Variants in HCLS1 observed in about 807,000 individuals in gnomAD.
HCLS1 encodes hematopoietic lineage cell-specific protein.
In HCLS1, 44 loss-of-function variants were observed where a neutral mutation model predicts 68.6. The observed-to-expected ratio is 0.64, with a 90% confidence interval of 0.50 to 0.82. The LOEUF (loss-of-function observed/expected upper bound fraction) is 0.82, where lower values mean the gene tolerates loss of function less well. HCLS1 is among the 40% of genes least tolerant of loss of function. The pLI is 0.00. For synonymous variants in HCLS1, 217 were observed against 225.8 expected (o/e 0.96, Z 0.35); for missense variants, 602 against 612.1 (o/e 0.98, Z 0.17).
At chr3:121,634,947 T>C (rs568150171) in intron 9 of HCLS1, among the ~76,000 whole-genome samples, 1 of 152,198 alleles carries the variant, frequency 6.6e-6, no homozygotes, top group South Asian at 2.1e-4. Context: ...GTGTCCTTTC[T>C]AAATTGTAAA....
intron 6 of HCLS1, among the ~76,000 whole-genome samples, chr3:121,639,488 C>T (rs1326482075): frequency 6.6e-6 from 1 of 151,606 alleles, no homozygotes; most frequent in East Asian, 1.9e-4. Context: ...GAAGAAATTA[C>T]AAGGGAAATA....
intron 5 of HCLS1, 66 bp downstream of exon 5, chr3:121,644,752 G>A: frequency 1.9e-6 from 2 of 1,067,750 alleles, no homozygotes; most frequent in South Asian, 2.5e-5. Flanking sequence ...CCTCCATCCA[G>A]GGGTGATCGT....
At chr3:121,658,025 C>G (rs1937910823) in intron 2 of HCLS1, 2 of 480,382 alleles carry the variant, frequency 4.2e-6, no homozygotes, top group Non-Finnish European at 7.6e-6. Context: ...TGTAGCCTGC[C>G]ATGGCCTGTC....
At position 121,635,760 on chromosome 3, in the gene HCLS1, A is replaced by G; in HGVS notation, c.666T>C (p.Tyr222=). The change falls in exon 9 of 14, where the codon TAT becomes TAC. Residue 222 remains tyrosine (Y), a synonymous_variant. Transcript: ENST00000314583. ...CGGCTTCTATGGGCGTCGTCTTCTT[A>G]TAAGCTGTGGTCGGGGCCTCCATTT... ...FNEMEAPTTA[Y]KKTTPIEAAS... 1.2e-6 allele frequency: 2 copies of G among 1,614,160 alleles called. No homozygotes were observed. The highest frequency in any genetic ancestry group is 1.7e-6 in the Non-Finnish European group (2 of 1,179,996).
At chr3:121,644,385 C>T (rs536621131) in intron 5 of HCLS1, 79 of 308,122 alleles carry the variant, frequency 2.6e-4, no homozygotes, top group African/African-American at 1.6e-3. Context: ...TAAATAGTAA[C>T]CCTAATTAGT....
chr3:121,660,010 G>A (rs1937955996), intron 1 of HCLS1, among the ~76,000 whole-genome samples: 1 of 152,146 alleles, frequency 6.6e-6, no homozygotes, highest in Non-Finnish European at 1.5e-5. Flanking sequence ...CTAGAGGTGA[G>A]AACCAGAGAG....
intron 6 of HCLS1, among the ~76,000 whole-genome samples, chr3:121,640,042 A>G (rs771601832): frequency 4.6e-5 from 7 of 152,156 alleles, no homozygotes; most frequent in Non-Finnish European, 7.3e-5. Flanking sequence ...AAAAGAGAAA[A>G]AACACAAGTA....
chr3:121,632,060 G>A, intron 13 of HCLS1, 41 bp downstream of exon 13: 1 of 1,612,736 alleles, frequency 6.2e-7, no homozygotes. Flanking sequence ...TTATATCAGG[G>A]GCCTCCATGT....
chr3:121,655,177 C>T (rs899588362), intron 3 of HCLS1, among the ~76,000 whole-genome samples: 9 of 152,256 alleles, frequency 5.9e-5, no homozygotes, highest in African/African-American at 2.2e-4. Context: ...CAGGCAGCAC[C>T]CGTCAGAGTG....
intron 4 of HCLS1, among the ~76,000 whole-genome samples, 161 bp downstream of exon 4, chr3:121,647,158 T>C (rs1015049136): frequency 7.9e-5 from 12 of 151,768 alleles, no homozygotes; most frequent in Admixed American, 2.6e-4. Flanking sequence ...ATTTTTTGTA[T>C]TTTTAGTAGA....
intron 3 of HCLS1, chr3:121,655,624 T>A: frequency 6.7e-6 from 1 of 150,324 alleles, no homozygotes; most frequent in East Asian, 1.9e-4. Context: ...ATCTGGACAA[T>A]TCCCAGAATA....
chr3:121,637,313 G>A, intron 6 of HCLS1, 57 bp from the exon 7 acceptor site: 1 of 1,190,228 alleles, frequency 8.4e-7, no homozygotes, highest in Admixed American at 1.7e-5. Context: ...ACACAGGGAA[G>A]CGCTGGAGAA....
At position 121,647,429 on chromosome 3, in the gene HCLS1, T is replaced by G. The variant is rs749397845; in HGVS notation, c.178A>C (p.Lys60Gln). Residue 60 changes from lysine (K) to glutamine (Q), a missense_variant, in exon 4 of 14, where the codon AAA becomes CAA. Coordinates refer to ENST00000314583, the MANE Select transcript of HCLS1 (RefSeq NM_005335.6). The part of the protein sequence containing the change: ...EHINIHQLRN[K>Q]VSEEHDVLRK... ...AGAACATCATGCTCCTCTGATACTT[T>G]GTTCCTCAGCTGGTGGATGCTGGAA... 5.0e-6 allele frequency: 8 copies of G among 1,614,178 alleles called. No homozygotes were observed. The highest frequency in any genetic ancestry group is 6.8e-6 in the Non-Finnish European group (8 of 1,180,032).
At position 121,632,403 on chromosome 3, in the gene HCLS1, T is replaced by C; in HGVS notation, c.1169A>G (p.Glu390Gly). The C allele has an allele frequency of 3.7e-6, 6 of 1,614,144 alleles. No homozygotes were observed. The highest frequency in any genetic ancestry group is 5.1e-6 in the Non-Finnish European group (6 of 1,180,010). Reference sequence around the variant, plus strand: ...CTCATAGTCCCCCTCTGGTTCATCCTCCTGCTCATGCCTGTCCATCTCCTC... The same window carrying C: ...CTCATAGTCCCCCTCTGGTTCATCCCCCTGCTCATGCCTGTCCATCTCCTC... ...DVEEMDRHEQEDEPEGDYEEV... is the reference protein window; with the variant it reads ...DVEEMDRHEQGDEPEGDYEEV... The change falls in exon 12 of 14, where the codon GAG (glutamate) becomes GGG (glycine). Residue 390 changes from glutamate to glycine, a missense_variant. By Grantham distance (98) the Glu-to-Gly change is moderately conservative. Transcript: ENST00000314583.
chr3:121,636,700 G>A (rs2049154262), intron 7 of HCLS1, among the ~76,000 whole-genome samples: 1 of 152,122 alleles, frequency 6.6e-6, no homozygotes, highest in Non-Finnish European at 1.5e-5. Flanking sequence ...TGGAAGTAGG[G>A]AAACATGGAA....
chr3:121,632,479 C>G lies in HCLS1; in HGVS notation c.1093G>C (p.Glu365Gln). 1 of 1,613,794 alleles carries G rather than the reference C, an allele frequency of 6.2e-7. No individual in the cohort carries two copies. The highest frequency in any genetic ancestry group is 8.5e-7 in the Non-Finnish European group (1 of 1,179,754). ...EEEPVYEAEP[E>Q]PEPEPEPEPE... ...TCGGGCTCAGGCTCGGGCTCAGGCT[C>G]AGGCTCTGCTTCGTACACTGGCTCT... is the stretch of plus-strand genomic sequence containing the variant. The change falls in exon 12 of 14, where the codon GAG (glutamate) becomes CAG (glutamine). Residue 365 changes from glutamate (E) to glutamine (Q), a missense_variant. Physicochemically the swap from Glu to Gln is conservative, Grantham distance 29. Transcript: ENST00000314583.
At position 121,637,219 on chromosome 3, in the gene HCLS1, C is replaced by T; in HGVS notation, c.492G>A (p.Glu164=). The part of the protein sequence containing the change: ...SRGFGGRYGV[E]KDKWDKAALG... The stretch of plus-strand genomic sequence containing the variant: ...GAGCTGCTTTGTCCCATTTATCCTT[C>T]TCCACCCCGTACCGGCCACCAAAGC... The change falls in exon 7 of 14, where the codon GAG becomes GAA. Residue 164 remains glutamate, a synonymous_variant. Transcript: ENST00000314583. 1 of 1,614,040 alleles carries T rather than the reference C, an allele frequency of 6.2e-7. No homozygotes were observed. The highest frequency in any genetic ancestry group is 8.5e-7 in the Non-Finnish European group (1 of 1,179,958).
At chr3:121,657,502 A>G in intron 2 of HCLS1, 150 bp from the exon 3 acceptor site, 1 of 673,670 alleles carries the variant, frequency 1.5e-6, no homozygotes, top group Non-Finnish European at 2.6e-6. Context: ...TATTTATCCC[A>G]TCCTGACCCC....
intron 6 of HCLS1, 76 bp from the exon 7 acceptor site, chr3:121,637,332 A>G: frequency 2.1e-6 from 2 of 936,132 alleles, no homozygotes; most frequent in Non-Finnish European, 3.6e-6. Context: ...AAGAGAGGTC[A>G]GCAGGAATGG....
Sources: allele counts gnomAD v4.1 joint callset (sites outside exome capture counted in the v4.1 genomes callset), GRCh38; gene constraint gnomAD v4.1.1; transcripts MANE v1.5; gene names NCBI Gene and HGNC (gene_info 2026-07-23, HGNC 2026-07-21).